VPS50: variants seen among roughly 807,000 people sequenced by gnomAD.
VPS50 encodes the protein VPS50 subunit of EARP/GARPII complex, also known as syndetin.
In VPS50, 70 loss-of-function variants were observed where a neutral mutation model predicts 139.7. The observed-to-expected ratio is 0.50, with a 90% CI of 0.41 to 0.61. VPS50 has a LOEUF of 0.61. VPS50 is among the 20% of genes least tolerant of loss of function. VPS50 has a pLI of 0.00. For missense variants in VPS50, 921 were observed against 1,133.7 expected (o/e 0.81, Z 2.69); for synonymous variants, 365 against 376.7 (o/e 0.97, Z 0.36).
chr7:93,340,033 A>C (rs1798170966), intron 22 of VPS50, among the ~76,000 whole-genome samples: 1 of 152,208 alleles, frequency 6.6e-6, no homozygotes, highest in African/African-American at 2.4e-5. Flanking sequence ...TTGTTATTAG[A>C]AATATATTTG....
chr7:93,329,475 A>G (rs1177164919), intron 21 of VPS50, among the ~76,000 whole-genome samples: 1 of 152,006 alleles, frequency 6.6e-6, no homozygotes, highest in East Asian at 1.9e-4. Flanking sequence ...ATGGTAAAAC[A>G]TACATGTAAT....
chr7:93,314,207 T>C (rs542190683), intron 20 of VPS50, among the ~76,000 whole-genome samples: 1 of 152,280 alleles, frequency 6.6e-6, no homozygotes, highest in South Asian at 2.1e-4. Context: ...CAGATTAATT[T>C]TTGGTGCTTG....
chr7:93,329,579 A>G (rs894319022), intron 21 of VPS50, among the ~76,000 whole-genome samples: 6 of 152,196 alleles, frequency 3.9e-5, no homozygotes, highest in African/African-American at 1.4e-4. Context: ...AAGATGCTAA[A>G]TGAACAGCAA....
intron 21 of VPS50, among the ~76,000 whole-genome samples, chr7:93,330,476 A>T (rs1797903669): frequency 6.6e-6 from 1 of 152,136 alleles, no homozygotes; most frequent in Admixed American, 6.5e-5. Context: ...AAAATAGGCT[A>T]GGCATGATGG....
chr7:93,259,963 T>G (rs6966383), intron 9 of VPS50, among the ~76,000 whole-genome samples: 23,209 of 152,190 alleles, frequency 0.15, 2,908 homozygotes, highest in East Asian at 0.4. Flanking sequence ...GAATTCTTCC[T>G]TAACTTTGCC....
intron 22 of VPS50, among the ~76,000 whole-genome samples, chr7:93,338,769 A>G (rs1196065117): frequency 3.9e-5 from 6 of 152,184 alleles, no homozygotes; most frequent in African/African-American, 1.2e-4. Flanking sequence ...TCACATCTCT[A>G]TTTGAGAAAG....
rs117087141 is a variant in VPS50 at position 93,356,826 on chromosome 7, G to T, written c.2775+746G>T. Among the ~76,000 whole-genome samples the T allele has an allele frequency of 6.7e-4, 102 of 152,206 alleles. 1 individual carries two copies. The East Asian group carries it at 0.019, about 28-fold the overall frequency. On this transcript the variant is annotated intron_variant, in intron 27 of 27. Transcript: ENST00000305866. ...TATGAATGTCATGGGTAAAAGCTAA[G>T]TCAAGTTTTATTTCATTTGGGTAAG... is the stretch of plus-strand genomic sequence containing the variant.
chr7:93,322,014 G>A (rs1797627338), intron 20 of VPS50, among the ~76,000 whole-genome samples: 1 of 152,080 alleles, frequency 6.6e-6, no homozygotes, highest in South Asian at 2.1e-4. Flanking sequence ...TTTCAAATGT[G>A]ATTTTTCAAA....
chr7:93,234,111 G>A (rs1468044956), intron 1 of VPS50, among the ~76,000 whole-genome samples: 3 of 152,164 alleles, frequency 2.0e-5, no homozygotes, highest in Non-Finnish European at 4.4e-5. Context: ...ACTGCCTTTG[G>A]AATGCTGAAT....
chr7:93,284,356 T>G (rs902225812), intron 12 of VPS50, among the ~76,000 whole-genome samples: 4 of 152,208 alleles, frequency 2.6e-5, no homozygotes, highest in African/African-American at 9.6e-5. Flanking sequence ...GAAAGATAAT[T>G]ATATATTCTG....
intron 22 of VPS50, among the ~76,000 whole-genome samples, chr7:93,335,820 G>A (rs181465574): frequency 5.9e-5 from 9 of 152,232 alleles, no homozygotes; most frequent in Admixed American, 1.3e-4. Flanking sequence ...TGGCATTTCT[G>A]TGTCATCCCT....
chr7:93,262,220 G>A (rs747793231), intron 9 of VPS50, among the ~76,000 whole-genome samples: 1 of 152,158 alleles, frequency 6.6e-6, no homozygotes, highest in Non-Finnish European at 1.5e-5. Context: ...GAGGGAGCAG[G>A]TGATGTGTTG....
intron 12 of VPS50, among the ~76,000 whole-genome samples, chr7:93,285,702 A>G (rs1796462726): frequency 6.6e-6 from 1 of 152,188 alleles, no homozygotes; most frequent in African/African-American, 2.4e-5. Context: ...TGGTTAATAG[A>G]AGAAATGGAA....
intron 20 of VPS50, among the ~76,000 whole-genome samples, chr7:93,322,052 G>C (rs1797628982): frequency 6.6e-6 from 1 of 150,918 alleles, no homozygotes; most frequent in South Asian, 2.1e-4. Context: ...AATTGCAAAG[G>C]ATGATTGTGA....
At chr7:93,318,771 TCCC>T (rs1243077262) in intron 20 of VPS50, among the ~76,000 whole-genome samples, 1 of 152,002 alleles carries the variant, frequency 6.6e-6, no homozygotes, top group Non-Finnish European at 1.5e-5. Flanking sequence ...AAAAAATTTC[TCCC>T]CCATGTTTCC....
chr7:93,287,019 A>AAAG (rs1227295258), intron 12 of VPS50, among the ~76,000 whole-genome samples: 1 of 149,578 alleles, frequency 6.7e-6, no homozygotes, highest in African/African-American at 2.5e-5. Context: ...TAAAAAAAAA[A>AAAG]CTACCCCACC....
At chr7:93,293,496 C>G (rs1000137743) in intron 13 of VPS50, among the ~76,000 whole-genome samples, 1 of 152,148 alleles carries the variant, frequency 6.6e-6, no homozygotes, top group African/African-American at 2.4e-5. Context: ...TTCAAGTGCT[C>G]AAGCTGTCAG....
chr7:93,322,609 A>G (rs1797649910), intron 20 of VPS50, among the ~76,000 whole-genome samples: 1 of 151,440 alleles, frequency 6.6e-6, no homozygotes, highest in South Asian at 2.1e-4. Flanking sequence ...CAAAAAAAAA[A>G]AAAAAAAAAA....
At chr7:93,267,365 G>T (rs893316941) in intron 9 of VPS50, among the ~76,000 whole-genome samples, 1 of 152,248 alleles carries the variant, frequency 6.6e-6, no homozygotes, top group East Asian at 1.9e-4. Context: ...GTTCAGTGTG[G>T]TTCTTCTAAA....
Sources: gnomAD v4.1 joint callset for allele counts (sites outside exome capture counted in the v4.1 genomes callset) on GRCh38, gnomAD v4.1.1 for gene constraint, MANE v1.5 for transcripts, NCBI Gene and HGNC (gene_info 2026-07-23, HGNC 2026-07-21) for gene names.